The following TACC2 variants were observed in gnomAD, a reference collection of about 807,000 sequenced individuals.
TACC2 encodes transforming acidic coiled-coil-containing protein 2.
A neutral mutation model predicts 227.3 loss-of-function variants in TACC2; 137 were observed. The observed-to-expected ratio is 0.60, with a 90% CI of 0.52 to 0.69. The LOEUF is 0.69. Ranked by LOEUF, TACC2 falls within the 30% of genes least tolerant of loss-of-function variation. TACC2 has a pLI of 0.00. For synonymous variants in TACC2, 1,523 were observed against 1,487.5 expected, an observed-to-expected ratio of 1.02 and a Z score of -0.55; for missense variants, 3,470 against 3,694.4, an observed-to-expected ratio of 0.94 and a Z score of 1.57.
chr10:122,226,818 G>A (rs2095638914), intron 13 of TACC2, among the ~76,000 whole-genome samples: 1 of 152,148 alleles, frequency 6.6e-6, no homozygotes, highest in African/African-American at 2.4e-5. Context: ...TTGGACTAAA[G>A]TGAAATCCTT....
chr10:122,163,978 G>A (rs1401472387), intron 7 of TACC2: 1 of 1,586,060 alleles, frequency 6.3e-7, no homozygotes, highest in South Asian at 1.2e-5. Context: ...TGAACCTGGA[G>A]GCTTCCGAGG....
chr10:122,025,167 A>C (rs141182337), intron 2 of TACC2, among the ~76,000 whole-genome samples: 2 of 152,328 alleles, frequency 1.3e-5, no homozygotes, highest in East Asian at 3.9e-4. Context: ...AAAGATGTTG[A>C]ACACATTTCA....
chr10:122,100,045 A>C (rs1377004457), intron 5 of TACC2, among the ~76,000 whole-genome samples: 5 of 152,132 alleles, frequency 3.3e-5, no homozygotes, highest in African/African-American at 1.2e-4. Flanking sequence ...CAGGAGGATC[A>C]CCTGAGGTCA....
At chr10:122,237,612 G>A (rs2095882409) in intron 17 of TACC2, 74 bp downstream of exon 17, 1 of 1,529,702 alleles carries the variant, frequency 6.5e-7, no homozygotes, top group African/African-American at 1.4e-5. Flanking sequence ...CACAAAGCCA[G>A]AGTCTTTGGA....
Position 122,044,561 on chromosome 10 carries a change from G to A in TACC2, c.34-5877G>A, listed in dbSNP as rs759599704. On this transcript the variant is annotated intron_variant, in intron 2 of 22. Coordinates refer to ENST00000369005, the MANE Select transcript of TACC2 (RefSeq NM_206862.4). ...CAAGGAGCTCGTTCAAAGAGGGGGC[G>A]ACTTAGGCAGACACTCTGGTCATGA... is the stretch of plus-strand genomic sequence containing the variant. 1.4e-3 allele frequency among the ~76,000 whole-genome samples: 219 copies of A among 152,224 alleles called. 1 individual carries two copies. Among genetic ancestry groups the A allele is most frequent in the Non-Finnish European group, 2.4e-3 (163 of 68,008 alleles).
intron 3 of TACC2, among the ~76,000 whole-genome samples, chr10:122,076,462 C>T (rs1417810303): frequency 6.6e-6 from 1 of 152,218 alleles, no homozygotes; most frequent in Non-Finnish European, 1.5e-5. Flanking sequence ...TTTCATTCTA[C>T]CCCGGCTTTC....
chr10:121,992,506 G>C (rs1953068246), intron 1 of TACC2, among the ~76,000 whole-genome samples: 1 of 152,192 alleles, frequency 6.6e-6, no homozygotes, highest in Non-Finnish European at 1.5e-5. Context: ...TTCTAGAATA[G>C]GGATTTTCCA....
In TACC2 at chr10:122,133,550, C is replaced by T. The variant is rs141581994; in HGVS notation, c.5699+816C>T. 6.3e-3 allele frequency among the ~76,000 whole-genome samples: 958 copies of T among 152,240 alleles called. 14 individuals are homozygous for T. Among genetic ancestry groups the T allele is most frequent in the East Asian group, 0.037 (192 of 5,166 alleles). On this transcript the variant is annotated intron_variant, in intron 6 of 22. Coordinates refer to ENST00000369005, the MANE Select transcript of TACC2 (RefSeq NM_206862.4). ...GTCTGTGTGTGTGTCTATGAATACACGCGTGCACACATTTTAATTTCTGTT... is the reference window on the plus strand; with the variant it reads ...GTCTGTGTGTGTGTCTATGAATACATGCGTGCACACATTTTAATTTCTGTT...
In TACC2 at chr10:122,134,154, G is replaced by A. The variant is rs115056450; in HGVS notation, c.5699+1420G>A. 5.1e-3 allele frequency among the ~76,000 whole-genome samples: 779 copies of A among 151,886 alleles called. 8 individuals carry two copies. Among genetic ancestry groups the A allele is most frequent in the African/African-American group, 0.018 (748 of 41,270 alleles). ...AAATTTAGACGTTCCTTTTATAGGTGGGAGTCAGCCATAGTTCTTTTTTTT... is the reference window on the plus strand; with the variant it reads ...AAATTTAGACGTTCCTTTTATAGGTAGGAGTCAGCCATAGTTCTTTTTTTT... On this transcript the variant is annotated intron_variant, in intron 6 of 22. Transcript: ENST00000369005.
At chr10:122,025,752 T>A (rs533851517) in intron 2 of TACC2, among the ~76,000 whole-genome samples, 1 of 150,978 alleles carries the variant, frequency 6.6e-6, no homozygotes, top group East Asian at 2.0e-4. Flanking sequence ...TTTTTTGTAT[T>A]TTTAGTAGAG....
At position 122,173,541 on chromosome 10, in the gene TACC2, G is replaced by A. The variant is rs116392331; in HGVS notation, c.5835-21499G>A. On this transcript the variant is annotated intron_variant, in intron 7 of 22. Coordinates refer to ENST00000369005, the MANE Select transcript of TACC2 (RefSeq NM_206862.4). ...TGTCACGAGCATCTTTACGTGCCAG[G>A]GCACAGCCTAAGAGAAGTGACACGA... Among the ~76,000 whole-genome samples the A allele has an allele frequency of 2.3e-3, 355 of 152,348 alleles. 2 individuals carry two copies. The highest frequency in any genetic ancestry group is 7.8e-3 in the African/African-American group (323 of 41,584).
At chr10:122,197,713 C>T (rs533555234) in intron 8 of TACC2, among the ~76,000 whole-genome samples, 169 of 152,358 alleles carry the variant, frequency 1.1e-3, no homozygotes, top group Non-Finnish European at 2.2e-3. Context: ...AAAACGGCAG[C>T]AAGGCTAGCT....
At chr10:122,148,692 C>T (rs1001477608) in intron 7 of TACC2, among the ~76,000 whole-genome samples, 5 of 152,258 alleles carry the variant, frequency 3.3e-5, no homozygotes, top group African/African-American at 9.6e-5. Context: ...TGACTTCCTG[C>T]TGCCTCTTCC....
chr10:122,244,368 A>G (rs559308639), intron 19 of TACC2, among the ~76,000 whole-genome samples: 1 of 152,250 alleles, frequency 6.6e-6, no homozygotes, highest in East Asian at 1.9e-4. Flanking sequence ...CCCGATCCCC[A>G]TCCTCATTCA....
chr10:122,150,970 G>A lies in TACC2; in HGVS notation c.5834+7264G>A, dbSNP rs2091979789. 6.6e-6 allele frequency among the ~76,000 whole-genome samples: 1 copy of A among 152,212 alleles called. No homozygotes were observed. Among genetic ancestry groups the A allele is most frequent in the Admixed American group, 6.5e-5 (1 of 15,280 alleles). On this transcript the variant is annotated intron_variant, in intron 7 of 22. Transcript: ENST00000369005. The surrounding 1 kb of genome is among the most constrained non-coding windows in gnomAD (Gnocchi z 4.0). ...ATTTACCAGCTGTGTGACATGGCATGAGTTACTTGACTACTCTGAGCCTTG... is the reference window on the plus strand; with the variant it reads ...ATTTACCAGCTGTGTGACATGGCATAAGTTACTTGACTACTCTGAGCCTTG...
In TACC2 at chr10:122,125,979, ATGT is replaced by A. The variant is rs938873116; in HGVS notation, c.5574-6627_5574-6625del. Among the ~76,000 whole-genome samples the A allele has an allele frequency of 7.6e-4, 116 of 151,998 alleles. 1 individual carries two copies. The highest frequency in any genetic ancestry group is 2.7e-3 in the African/African-American group (111 of 41,504). On this transcript the variant is annotated intron_variant, in intron 5 of 22. Transcript: ENST00000369005. ...TTTTTAGTAGAGATGGGGTTTCACC[ATGT>A]TGGCCAGGATGATCTCGATCTCCTG...
chr10:122,245,295 C>T (rs2096086131), intron 19 of TACC2, among the ~76,000 whole-genome samples: 2 of 152,106 alleles, frequency 1.3e-5, no homozygotes, highest in South Asian at 4.1e-4. Context: ...CTGCGTTTGT[C>T]ATGTACAAAA....
intron 5 of TACC2, among the ~76,000 whole-genome samples, chr10:122,115,502 G>A (rs2084525761): frequency 6.6e-6 from 1 of 152,182 alleles, no homozygotes; most frequent in Non-Finnish European, 1.5e-5. Context: ...CGTCTAGTGG[G>A]GGAGGGCTAG....
At chr10:122,111,866 A>G (rs980713777) in intron 5 of TACC2, among the ~76,000 whole-genome samples, 2 of 152,208 alleles carry the variant, frequency 1.3e-5, no homozygotes, top group African/African-American at 4.8e-5. Context: ...CTCAGTTATC[A>G]TACTTGTAAA....
Sources: allele counts gnomAD v4.1 joint callset (sites outside exome capture counted in the v4.1 genomes callset), GRCh38; gene constraint gnomAD v4.1.1; non-coding constraint Gnocchi (gnomAD v3.1); transcripts MANE v1.5; gene names NCBI Gene and HGNC (gene_info 2026-07-23, HGNC 2026-07-21).